ST6GAL2: variants seen among roughly 807,000 people sequenced by gnomAD.
ST6GAL2 encodes beta-galactoside alpha-2,6-sialyltransferase 2.
In ST6GAL2, 24 loss-of-function variants were observed where a neutral mutation model predicts 37.5. The observed-to-expected ratio is 0.64, with a 90% confidence interval of 0.46 to 0.90. The LOEUF is 0.90. Ranked by LOEUF, ST6GAL2 falls within the 40% of genes least tolerant of loss-of-function variation. The pLI, the probability that ST6GAL2 is intolerant of heterozygous loss-of-function variation, is 0.00. For synonymous variants in ST6GAL2, 306 were observed against 295.1 expected, an observed-to-expected ratio of 1.04 and a Z score of -0.38; for missense variants, 715 against 712.7, an observed-to-expected ratio of 1.00 and a Z score of -0.04.
At chr2:106,826,667 G>T (rs1255684086) in intron 5 of ST6GAL2, among the ~76,000 whole-genome samples, 1 of 152,128 alleles carries the variant, frequency 6.6e-6, no homozygotes, top group African/African-American at 2.4e-5. Context: ...CAGGTGAATT[G>T]GGAATTACAA....
chr2:106,869,202 A>T (rs2104609975), intron 1 of ST6GAL2, among the ~76,000 whole-genome samples: 1 of 152,214 alleles, frequency 6.6e-6, no homozygotes, highest in Admixed American at 6.5e-5. Context: ...CCTGGAAGGG[A>T]GCTGCAGACT....
rs113897466 is a variant in ST6GAL2, at chr2:106,861,878, C to T, written c.-57-17844G>A. On this transcript the variant is annotated intron_variant, in intron 1 of 5. Coordinates refer to ENST00000409382, the MANE Select transcript of ST6GAL2 (RefSeq NM_001142351.2). ...AACTCCTGACCTCAAGTGATCTGCC[C>T]GCCTTTGGCCTCCCAAAGCACTGGG... Among the ~76,000 whole-genome samples, 1,498 of 152,182 alleles carry T rather than the reference C, an allele frequency of 9.8e-3. 19 individuals carry two copies. Among genetic ancestry groups the T allele is most frequent in the Middle Eastern group, 0.02 (6 of 294 alleles).
rs575197932 is a variant in ST6GAL2 at position 106,811,172 on chromosome 2, G to T, written c.1319-4223C>A. On this transcript the variant is annotated intron_variant, in intron 5 of 5. Transcript: ENST00000409382. ...AAATTTGAGTTTAGATTCAGACTCT[G>T]TCATATAATAAATAGTGAAAATTAT... 4.6e-5 allele frequency among the ~76,000 whole-genome samples: 7 copies of T among 152,056 alleles called. No individual in the cohort carries two copies. The South Asian group carries it at 1.5e-3, about 32-fold the overall frequency.
chr2:106,872,767 G>A (rs1573315813), intron 1 of ST6GAL2, among the ~76,000 whole-genome samples: 1 of 151,504 alleles, frequency 6.6e-6, no homozygotes, highest in Non-Finnish European at 1.5e-5. Flanking sequence ...ACACCCAGCT[G>A]ATTTTTTGTA....
chr2:106,880,167 C>A (rs1269999321), intron 1 of ST6GAL2, among the ~76,000 whole-genome samples: 1 of 151,910 alleles, frequency 6.6e-6, no homozygotes, highest in East Asian at 1.9e-4. Context: ...GAAATTAGAG[C>A]ATATAATTTT....
chr2:106,852,144 C>T (rs1677391248), intron 1 of ST6GAL2, among the ~76,000 whole-genome samples: 1 of 152,218 alleles, frequency 6.6e-6, no homozygotes, highest in Admixed American at 6.5e-5. Flanking sequence ...CTAGTTTCTG[C>T]CCATTCTTAA....
At chr2:106,854,429 T>C (rs1020359135) in intron 1 of ST6GAL2, among the ~76,000 whole-genome samples, 1 of 152,232 alleles carries the variant, frequency 6.6e-6, no homozygotes, top group African/African-American at 2.4e-5. Flanking sequence ...AGTCCAAGTT[T>C]TGAAATTCTG....
intron 1 of ST6GAL2, among the ~76,000 whole-genome samples, chr2:106,877,345 T>G (rs1338502288): frequency 1.3e-5 from 2 of 152,228 alleles, no homozygotes; most frequent in Non-Finnish European, 2.9e-5. Flanking sequence ...CAATGTCACA[T>G]GAAAGTAAAT....
At chr2:106,816,652 A>G (rs1392717475) in intron 5 of ST6GAL2, among the ~76,000 whole-genome samples, 1 of 152,194 alleles carries the variant, frequency 6.6e-6, no homozygotes, top group Admixed American at 6.5e-5. Context: ...ATAAGGATAT[A>G]GGGAGGCAGA....
intron 1 of ST6GAL2, among the ~76,000 whole-genome samples, chr2:106,877,412 C>CCA (rs998627354): frequency 2.6e-5 from 4 of 152,216 alleles, no homozygotes; most frequent in African/African-American, 4.8e-5. Flanking sequence ...CCTGCGAGCT[C>CCA]CACACCTTCG....
At chr2:106,869,163 T>C (rs1409378024) in intron 1 of ST6GAL2, among the ~76,000 whole-genome samples, 1 of 151,916 alleles carries the variant, frequency 6.6e-6, no homozygotes, top group Non-Finnish European at 1.5e-5. Context: ...ATTCCACAAG[T>C]ACAAGACAGA....
chr2:106,809,528 G>A (rs75187534), intron 5 of ST6GAL2, among the ~76,000 whole-genome samples: 4,410 of 152,244 alleles, frequency 0.029, 88 homozygotes, highest in South Asian at 0.075. Flanking sequence ...TTATACTTAG[G>A]GGAGTATGTT....
intron 1 of ST6GAL2, among the ~76,000 whole-genome samples, chr2:106,862,979 T>A (rs552766065): frequency 8.8e-6 from 1 of 113,046 alleles, no homozygotes; most frequent in African/African-American, 3.2e-5. Context: ...TTGCTTATAA[T>A]GTAAATGTCT....
At chr2:106,817,343 G>T (rs1371403100) in intron 5 of ST6GAL2, among the ~76,000 whole-genome samples, 2 of 152,212 alleles carry the variant, frequency 1.3e-5, no homozygotes, top group African/African-American at 4.8e-5. Context: ...AGAGAGAAGA[G>T]TAAAGAGAAC....
At chr2:106,882,919 G>A (rs937051713) in intron 1 of ST6GAL2, among the ~76,000 whole-genome samples, 2 of 152,218 alleles carry the variant, frequency 1.3e-5, no homozygotes, top group Admixed American at 6.5e-5. Context: ...TGCCTCTGAT[G>A]TCATTTCCAT....
At position 106,843,246 on chromosome 2, in the gene ST6GAL2, G is replaced by A. The variant is rs1331230049; in HGVS notation, c.732C>T (p.Ala244=). Residue 244 remains alanine, a synonymous_variant, in exon 2 of 6, where the codon GCC becomes GCT. Coordinates refer to ENST00000409382, the MANE Select transcript of ST6GAL2 (RefSeq NM_001142351.2). ...HGVRFRGKRE[A]GLSRAQLLCQ... is the part of the protein sequence containing the mutation. ...ACAGCAGCTGTGCCCTGCTCAGCCC[G>A]GCCTCCCGCTTCCCGCGGAAGCGCA... The A allele has an allele frequency of 1.9e-6, 3 of 1,589,152 alleles. No individual in the cohort carries two copies.
rs1196651700 is a variant in ST6GAL2, at chr2:106,806,482, T to TA, written c.*195dup. 3.3e-5 allele frequency: 21 copies of TA among 639,058 alleles called. No homozygotes were observed. In the East Asian group the frequency reaches 4.6e-4, roughly 14 times the overall value. 39.6% of individuals were successfully genotyped at this position (639,058 alleles called of 1,614,324 possible). On this transcript the variant is annotated 3_prime_UTR_variant, in exon 6 of 6. Coordinates refer to ENST00000409382, the MANE Select transcript of ST6GAL2 (RefSeq NM_001142351.2). Reference sequence around the variant, plus strand: ...GCATCTTTCTTGAGCCTTATTTTTTTAAAAAAACCATTTCTATGTTCAAAG... The same window carrying TA: ...GCATCTTTCTTGAGCCTTATTTTTTTAAAAAAAACCATTTCTATGTTCAAAG...
intron 1 of ST6GAL2, among the ~76,000 whole-genome samples, chr2:106,875,411 C>T (rs1324071399): frequency 1.3e-5 from 2 of 152,130 alleles, no homozygotes; most frequent in Admixed American, 6.5e-5. Context: ...CTCCTGAGCT[C>T]AGGCAATCCA....
intron 1 of ST6GAL2, among the ~76,000 whole-genome samples, chr2:106,846,436 G>C (rs968038711): frequency 5.3e-5 from 8 of 152,122 alleles, no homozygotes; most frequent in South Asian, 2.1e-4. Flanking sequence ...AAGATCACTG[G>C]AACAGGTTCT....
Sources: gnomAD v4.1 joint callset for allele counts (sites outside exome capture counted in the v4.1 genomes callset) on GRCh38, gnomAD v4.1.1 for gene constraint, MANE v1.5 for transcripts, NCBI Gene and HGNC (gene_info 2026-07-23, HGNC 2026-07-21) for gene names.